DVL3: variants seen among roughly 807,000 people sequenced by gnomAD.
DVL3 encodes segment polarity protein dishevelled homolog DVL-3.
DVL3 carries 27 observed loss-of-function variants against 67.4 expected under a neutral mutation model. That is an observed-to-expected ratio of 0.40 (90% CI 0.30 to 0.55). DVL3 has a LOEUF of 0.55. Ranked by LOEUF, DVL3 falls within the 20% of genes least tolerant of loss-of-function variation. The probability of loss-of-function intolerance (pLI) is 0.46; values close to 1 mark genes in which losing one functional copy is unlikely to be tolerated. For synonymous variants in DVL3, 369 were observed against 396.8 expected, an observed-to-expected ratio of 0.93 and a Z score of 0.83; for missense variants, 819 against 1,021.5, an observed-to-expected ratio of 0.80 and a Z score of 2.70.
In DVL3 at chr3:184,165,339, C is replaced by G; in HGVS notation, c.694-83C>G. The G allele has an allele frequency of 6.5e-7, 1 of 1,548,224 alleles. No individual in the cohort carries two copies. Among genetic ancestry groups the G allele is most frequent in the Non-Finnish European group, 8.9e-7 (1 of 1,126,674 alleles). ...AGAACCTTGGGGCTGGGGGCTGCAC[C>G]GGGGACTCACCTTGAGGAGGAGTCA... On this transcript the variant is annotated intron_variant, in intron 6 of 14. Coordinates refer to ENST00000313143, the MANE Select transcript of DVL3 (RefSeq NM_004423.4). The surrounding 1 kb of genome is among the most constrained non-coding windows in gnomAD (Gnocchi z 4.1).
rs1162614973 is a variant in DVL3, at chr3:184,167,779, C to G, written c.1330+68C>G. On this transcript the variant is annotated intron_variant, in intron 12 of 14. Transcript: ENST00000313143. This position sits in a 1 kb window ranked among gnomAD's most constrained non-coding sequence, Gnocchi z 4.6. ...ATGGGGCAGGGCAGGCCGGAGGGCCCAGGACTTGCCTTGGACCCTTCCTTT... is the reference window on the plus strand; with the variant it reads ...ATGGGGCAGGGCAGGCCGGAGGGCCGAGGACTTGCCTTGGACCCTTCCTTT... The G allele has an allele frequency of 6.3e-7, 1 of 1,590,460 alleles. No individual in the cohort carries two copies. The highest frequency in any genetic ancestry group is 1.7e-5 in the Admixed American group (1 of 58,134).
chr3:184,165,096 G>C lies in DVL3; in HGVS notation c.600-17G>C, dbSNP rs766887810. ...GGGCTGGGCCAGCCTGGTGGGGAAC[G>C]ACTGTGGGCCCCACAGGTTCAGCAG... is the stretch of plus-strand genomic sequence containing the variant. On this transcript the variant is annotated splice_polypyrimidine_tract_variant and intron_variant, in intron 5 of 14. Transcript: ENST00000313143. The surrounding 1 kb of genome is among the most constrained non-coding windows in gnomAD (Gnocchi z 4.1). The C allele has an allele frequency of 3.6e-5, 58 of 1,613,754 alleles. No homozygotes were observed. The highest frequency in any genetic ancestry group is 4.8e-5 in the Non-Finnish European group (57 of 1,179,876).
intron 1 of DVL3, among the ~76,000 whole-genome samples, chr3:184,158,666 A>G (rs934540962): frequency 5.3e-5 from 8 of 150,500 alleles, no homozygotes; most frequent in Non-Finnish European, 1.2e-4. Flanking sequence ...CAGTTTCTCC[A>G]CTCCTGGCTC....
At position 184,170,976 on chromosome 3, in the gene DVL3, G is replaced by A; in HGVS notation, c.*221G>A. Reference sequence around the variant, plus strand: ...CCTCTGGCCCCAGTTCGTTTCCTCTGCCCACTAATCCCTGCGCAGGACTTC... The same window carrying A: ...CCTCTGGCCCCAGTTCGTTTCCTCTACCCACTAATCCCTGCGCAGGACTTC... On this transcript the variant is annotated 3_prime_UTR_variant, in exon 15 of 15. Coordinates refer to ENST00000313143, the MANE Select transcript of DVL3 (RefSeq NM_004423.4). The surrounding 1 kb of genome is among the most constrained non-coding windows in gnomAD (Gnocchi z 6.5). The A allele has an allele frequency of 6.6e-7, 1 of 1,517,108 alleles. No individual in the cohort carries two copies. The highest frequency in any genetic ancestry group is 8.8e-7 in the Non-Finnish European group (1 of 1,134,464). The allele number at this position is 1,517,108 out of a possible 1,614,324, so 94.0% of individuals were successfully genotyped here.
chr3:184,155,551 G>C lies in DVL3; in HGVS notation c.-85G>C. ...CCGAGCTGGGTTGAGCCGCTGGGCC[G>C]CGCCGCGCGCCGCCGCCGTCTGGGA... On this transcript the variant is annotated 5_prime_UTR_variant, in exon 1 of 15. Coordinates refer to ENST00000313143, the MANE Select transcript of DVL3 (RefSeq NM_004423.4). This position sits in a 1 kb window ranked among gnomAD's most constrained non-coding sequence, Gnocchi z 5.4. The C allele has an allele frequency of 1.1e-6, 1 of 898,844 alleles. No individual in the cohort carries two copies. The highest frequency in any genetic ancestry group is 1.3e-6 in the Non-Finnish European group (1 of 750,322). The allele number at this position is 898,844 out of a possible 1,614,324, so 55.7% of individuals were successfully genotyped here. A position where few individuals can be genotyped will look rare whatever the true frequency, so the allele number is the denominator to read the frequency against.
In DVL3 at chr3:184,166,054, C is replaced by T; in HGVS notation, c.764-72C>T. 6.4e-7 allele frequency: 1 copy of T among 1,567,852 alleles called. No homozygotes were observed. Among genetic ancestry groups the T allele is most frequent in the Non-Finnish European group, 8.7e-7 (1 of 1,155,902 alleles). On this transcript the variant is annotated intron_variant, in intron 7 of 14. Transcript: ENST00000313143. The surrounding 1 kb of genome is among the most constrained non-coding windows in gnomAD (Gnocchi z 6.7). ...ATGTCAGTTCAGTTCCTGTCCCTTT[C>T]CATTTTCTAATGGGCTGGGAATGCG...
At position 184,171,217 on chromosome 3, in the gene DVL3, C is replaced by CCTG; in HGVS notation, c.*462_*463insCTG. The CCTG allele has an allele frequency of 9.2e-7, 1 of 1,088,658 alleles. No homozygotes were observed. Among genetic ancestry groups the CCTG allele is most frequent in the Non-Finnish European group, 1.1e-6 (1 of 892,378 alleles). The allele number at this position is 1,088,658 out of a possible 1,614,324, so 67.4% of individuals were successfully genotyped here. The stretch of plus-strand genomic sequence containing the variant: ...TCAGGCACGTGTGCAAACCTCTTGA[C>CCTG]TTTACCCCACATTACTGAAACCAAA... On this transcript the variant is annotated 3_prime_UTR_variant, in exon 15 of 15. Transcript: ENST00000313143.
chr3:184,166,456 T>C lies in DVL3; in HGVS notation c.914T>C (p.Ile305Thr), dbSNP rs955057312. The C allele has an allele frequency of 3.1e-6, 5 of 1,614,086 alleles. No homozygotes were observed. The highest frequency in any genetic ancestry group is 2.5e-6 in the Non-Finnish European group (3 of 1,180,014). ...CTGGTCCTTTCCCAGGTAAACGAGA[T>C]CAACTTTGAGAACATGAGTAATGAC... ...PGDMLLQVNE[I>T]NFENMSNDDA... The change falls in exon 9 of 15, where the codon ATC (isoleucine) becomes ACC (threonine). Residue 305 changes from isoleucine to threonine, a missense_variant. By Grantham distance (89) the Ile-to-Thr change is moderately conservative. Around this residue, in one of 3 missense-constraint regions of DVL3, gnomAD observed 385 missense variants for 486.8 expected, o/e 0.79. Transcript: ENST00000313143. This position sits in a 1 kb window ranked among gnomAD's most constrained non-coding sequence, Gnocchi z 6.7.
chr3:184,161,928 C>T (rs571055696), intron 1 of DVL3, among the ~76,000 whole-genome samples: 23 of 152,170 alleles, frequency 1.5e-4, no homozygotes, highest in Non-Finnish European at 2.9e-5. Flanking sequence ...CCCACTGAGG[C>T]TGATGTGAAG....
Position 184,166,656 on chromosome 3 carries a change from G to A in DVL3, c.1031G>A (p.Cys344Tyr), listed in dbSNP as rs148386960. Reference sequence around the variant, plus strand: ...TGCTGGGACCCAAGTCCACGTGGTTGCTTCACATTGCCCAGGAGTAAGTGG... The same window carrying A: ...TGCTGGGACCCAAGTCCACGTGGTTACTTCACATTGCCCAGGAGTAAGTGG... ...AKCWDPSPRG[C>Y]FTLPRSEPIR... The change falls in exon 10 of 15, where the codon TGC becomes TAC. Residue 344 changes from cysteine to tyrosine, a missense_variant. Around this residue, in one of 3 missense-constraint regions of DVL3, gnomAD observed 385 missense variants for 486.8 expected, o/e 0.79. Coordinates refer to ENST00000313143, the MANE Select transcript of DVL3 (RefSeq NM_004423.4). This position sits in a 1 kb window ranked among gnomAD's most constrained non-coding sequence, Gnocchi z 6.7. 3.6e-4 allele frequency: 583 copies of A among 1,613,998 alleles called. No individual in the cohort carries two copies. The highest frequency in any genetic ancestry group is 4.5e-4 in the Non-Finnish European group (528 of 1,180,014).
rs549382617 is a variant in DVL3 at position 184,155,897 on chromosome 3, C to T, written c.161+101C>T. On this transcript the variant is annotated intron_variant, in intron 1 of 14. Transcript: ENST00000313143. This position sits in a 1 kb window ranked among gnomAD's most constrained non-coding sequence, Gnocchi z 5.4. ...CTTGCCTCGCTACACCGGCTCCTAG[C>T]CCCGCTCTGACTTCTAGGGGCGACT... 9.9e-6 allele frequency: 14 copies of T among 1,412,910 alleles called. No individual in the cohort carries two copies. The Admixed American group carries it at 2.1e-4, about 21-fold the overall frequency. The allele number at this position is 1,412,910 out of a possible 1,614,324, so 87.5% of individuals were successfully genotyped here.
In DVL3 at chr3:184,155,583, G is replaced by T; in HGVS notation, c.-53G>T. Reference sequence around the variant, plus strand: ...GCGCCGCCGCCGTCTGGGAGGCTCGGCCCGGCCGCCCGAGCAGGCCGCGCG... The same window carrying T: ...GCGCCGCCGCCGTCTGGGAGGCTCGTCCCGGCCGCCCGAGCAGGCCGCGCG... On this transcript the variant is annotated 5_prime_UTR_variant, in exon 1 of 15. Transcript: ENST00000313143. This position sits in a 1 kb window ranked among gnomAD's most constrained non-coding sequence, Gnocchi z 5.4. The T allele has an allele frequency of 9.4e-7, 1 of 1,059,402 alleles. No individual in the cohort carries two copies. The highest frequency in any genetic ancestry group is 1.1e-6 in the Non-Finnish European group (1 of 877,650). The allele number at this position is 1,059,402 out of a possible 1,614,324, so 65.6% of individuals were successfully genotyped here.
chr3:184,164,588 T>A lies in DVL3; in HGVS notation c.450T>A (p.Asp150Glu). ...AGCGAGAGCGGCCACGCCGGAGGGA[T>A]GGCCCAGAGCATGGTATATCTTCCT... ...SAQRERPRRRDGPEHATRLNG... is the reference protein window; with the variant it reads ...SAQRERPRRREGPEHATRLNG... Residue 150 changes from aspartate to glutamate, a missense_variant, in exon 4 of 15, where the codon GAT (aspartate) becomes GAA (glutamate). Around this residue, in one of 3 missense-constraint regions of DVL3, gnomAD observed 385 missense variants for 486.8 expected, o/e 0.79. Transcript: ENST00000313143. The surrounding 1 kb of genome is among the most constrained non-coding windows in gnomAD (Gnocchi z 5.3). 1.9e-6 allele frequency: 3 copies of A among 1,558,030 alleles called. No homozygotes were observed. The highest frequency in any genetic ancestry group is 2.6e-6 in the Non-Finnish European group (3 of 1,151,294).
Position 184,170,865 on chromosome 3 carries a change from G to T in DVL3, c.*110G>T, listed in dbSNP as rs1714809096. 1.3e-6 allele frequency: 2 copies of T among 1,553,816 alleles called. No individual in the cohort carries two copies. Among genetic ancestry groups the T allele is most frequent in the Non-Finnish European group, 8.7e-7 (1 of 1,149,264 alleles). ...CTGGTACCTGAAAGGGAAATAAAAG[G>T]AACTAAATCCAGGTGCGCTAACTGC... On this transcript the variant is annotated 3_prime_UTR_variant, in exon 15 of 15. Transcript: ENST00000313143. The surrounding 1 kb of genome is among the most constrained non-coding windows in gnomAD (Gnocchi z 6.5).
Position 184,167,463 on chromosome 3 carries a change from C to A in DVL3, c.1199-117C>A. On this transcript the variant is annotated intron_variant, in intron 11 of 14. Coordinates refer to ENST00000313143, the MANE Select transcript of DVL3 (RefSeq NM_004423.4). This position sits in a 1 kb window ranked among gnomAD's most constrained non-coding sequence, Gnocchi z 4.6. Reference sequence around the variant, plus strand: ...AGGGGAAACTGAGTGTCCAAGAAATCAGTAATTTTCCCAGCATTGATCCCA... The same window carrying A: ...AGGGGAAACTGAGTGTCCAAGAAATAAGTAATTTTCCCAGCATTGATCCCA... The A allele has an allele frequency of 1.0e-6, 1 of 979,742 alleles. No homozygotes were observed. Among genetic ancestry groups the A allele is most frequent in the Non-Finnish European group, 1.5e-6 (1 of 667,172 alleles). 60.7% of individuals were successfully genotyped at this position (979,742 alleles called of 1,614,324 possible).
intron 13 of DVL3, among the ~76,000 whole-genome samples, chr3:184,168,605 T>C (rs1714682734): frequency 6.6e-6 from 1 of 152,142 alleles, no homozygotes; most frequent in South Asian, 2.1e-4. Context: ...ATGGCTTGGC[T>C]GCAGGCTCCA....
At position 184,166,422 on chromosome 3, in the gene DVL3, A is replaced by G; in HGVS notation, c.904-24A>G. The G allele has an allele frequency of 6.2e-7, 1 of 1,613,956 alleles. No individual in the cohort carries two copies. Among genetic ancestry groups the G allele is most frequent in the South Asian group, 1.1e-5 (1 of 91,070 alleles). Reference sequence around the variant, plus strand: ...TTCATCCTCCCCAGCACAGCTGTTTATCCCACTCCTGGTCCTTTCCCAGGT... The same window carrying G: ...TTCATCCTCCCCAGCACAGCTGTTTGTCCCACTCCTGGTCCTTTCCCAGGT... On this transcript the variant is annotated intron_variant, in intron 8 of 14. Coordinates refer to ENST00000313143, the MANE Select transcript of DVL3 (RefSeq NM_004423.4). The surrounding 1 kb of genome is among the most constrained non-coding windows in gnomAD (Gnocchi z 6.7).
In DVL3 at chr3:184,165,196, G is replaced by A. The variant is rs200798545; in HGVS notation, c.683G>A (p.Arg228Gln). ...KRRRRKQKVS[R>Q]IERSSSFSSI... ...CGGCGGCGGAAGCAGAAGGTTTCTC[G>A]GATTGAGCGGGTATGGGGTCTGGGA... The change falls in exon 6 of 15, where the codon CGG (arginine) becomes CAG (glutamine). Residue 228 changes from arginine (R) to glutamine (Q), a missense_variant. This residue lies in a region of DVL3 where 385 missense variants were observed against 486.8 expected (regional missense o/e 0.79). Transcript: ENST00000313143. This position sits in a 1 kb window ranked among gnomAD's most constrained non-coding sequence, Gnocchi z 4.1. 268 of 1,595,912 alleles carry A rather than the reference G, an allele frequency of 1.7e-4. No homozygotes were observed. Among genetic ancestry groups the A allele is most frequent in the Non-Finnish European group, 2.1e-4 (246 of 1,170,868 alleles).
Position 184,170,142 on chromosome 3 carries a change from C to G in DVL3, c.1635C>G (p.His545Gln), listed in dbSNP as rs767932262. The G allele has an allele frequency of 3.7e-6, 6 of 1,611,634 alleles. No individual in the cohort carries two copies. The highest frequency in any genetic ancestry group is 5.1e-6 in the Non-Finnish European group (6 of 1,179,968). ...AFPYQYPPPP[H>Q]PYNPHPGFPE... Reference sequence around the variant, plus strand: ...CGTACCAGTACCCGCCACCCCCGCACCCATACAACCCGCACCCGGGCTTCC... The same window carrying G: ...CGTACCAGTACCCGCCACCCCCGCAGCCATACAACCCGCACCCGGGCTTCC... Residue 545 changes from histidine (H) to glutamine (Q), a missense_variant, in exon 14 of 15, where the codon CAC becomes CAG. By Grantham distance (24) the His-to-Gln change is conservative. Transcript: ENST00000313143. The surrounding 1 kb of genome is among the most constrained non-coding windows in gnomAD (Gnocchi z 6.5).
Sources: gnomAD v4.1 joint callset for allele counts (sites outside exome capture counted in the v4.1 genomes callset) on GRCh38, gnomAD v4.1.1 for gene constraint, gnomAD v4.1.1 regional missense constraint, Gnocchi (gnomAD v3.1) non-coding constraint, MANE v1.5 for transcripts, NCBI Gene and HGNC (gene_info 2026-07-23, HGNC 2026-07-21) for gene names.